TEX14: variants seen among roughly 807,000 people sequenced by gnomAD.
The protein encoded by TEX14 is testis expressed 14, intercellular bridge forming factor, also known as inactive serine/threonine-protein kinase TEX14.
In TEX14, 168 loss-of-function variants were observed where a neutral mutation model predicts 178.6. That is an observed-to-expected ratio of 0.94 (90% CI 0.83 to 1.07). TEX14 has a LOEUF of 1.07. Among genes scored for constraint, TEX14 ranks in the 50% least tolerant of loss-of-function variants. The probability of loss-of-function intolerance (pLI) is 0.00; values close to 1 mark genes in which losing one functional copy is unlikely to be tolerated. For missense variants in TEX14, 1,730 were observed against 1,753.6 expected (o/e 0.99, Z 0.24); for synonymous variants, 626 against 634.1 (o/e 0.99, Z 0.19).
intron 4 of TEX14, among the ~76,000 whole-genome samples, chr17:58,622,479 T>C (rs1012667736): frequency 6.6e-6 from 1 of 151,858 alleles, no homozygotes; most frequent in Non-Finnish European, 1.5e-5. Flanking sequence ...CAAAGTTACT[T>C]AATGTCAGTG....
Position 58,599,401 on chromosome 17 carries a change from T to C in TEX14, c.1944A>G (p.Ala648=), listed in dbSNP as rs115318789. 1.2e-6 allele frequency: 2 copies of C among 1,614,114 alleles called. No homozygotes were observed. Among genetic ancestry groups the C allele is most frequent in the African/African-American group, 2.7e-5 (2 of 74,938 alleles). ...GTTCATCTACCTGGTTAGGTCCGTC[T>C]GCCTCCAAAGATGAAGCAGCTCCTG... The part of the protein sequence containing the change: ...EPPGAASSLE[A]DGPNQVDELK... The change falls in exon 14 of 32, where the codon GCA becomes GCG. Residue 648 remains alanine (A), a synonymous_variant. Transcript: ENST00000349033.
chr17:58,570,278 G>A (rs1045671471), intron 25 of TEX14, 107 bp downstream of exon 25: 20 of 648,196 alleles, frequency 3.1e-5, no homozygotes, highest in Non-Finnish European at 4.6e-5. Flanking sequence ...ATAATCATGG[G>A]GAAAACAGCA....
chr17:58,630,386 C>T (rs1052167814), intron 3 of TEX14, 54 bp downstream of exon 3: 6 of 1,343,778 alleles, frequency 4.5e-6, no homozygotes, highest in Admixed American at 1.7e-5. Flanking sequence ...TCTAAACAAA[C>T]TCATCTTAAC....
At chr17:58,617,966 CATG>C (rs2045911253) in intron 5 of TEX14, among the ~76,000 whole-genome samples, 1 of 152,324 alleles carries the variant, frequency 6.6e-6, no homozygotes, top group South Asian at 2.1e-4. Flanking sequence ...TGCCAGCTGC[CATG>C]ATATGAGGAC....
intron 4 of TEX14, among the ~76,000 whole-genome samples, chr17:58,622,579 T>A (rs908096913): frequency 5.3e-5 from 8 of 152,158 alleles, no homozygotes; most frequent in Admixed American, 6.6e-5. Context: ...ATAAAAAACA[T>A]TTAAAACAAC....
intron 17 of TEX14, among the ~76,000 whole-genome samples, 162 bp from the exon 18 acceptor site, chr17:58,586,244 G>C (rs912599123): frequency 7.9e-5 from 12 of 152,128 alleles, no homozygotes; most frequent in African/African-American, 2.7e-4. Flanking sequence ...TGAATGGGAG[G>C]TCAGGGGAGA....
At chr17:58,625,129 GTTTT>G (rs11324185) in intron 3 of TEX14, among the ~76,000 whole-genome samples, 2 of 145,790 alleles carry the variant, frequency 1.4e-5, no homozygotes, top group Non-Finnish European at 3.0e-5. Flanking sequence ...TGTTTTTTGG[GTTTT>G]TTTTTTTTCT....
intron 3 of TEX14, among the ~76,000 whole-genome samples, chr17:58,628,236 C>T (rs1159947337): frequency 6.6e-6 from 1 of 152,084 alleles, no homozygotes; most frequent in African/African-American, 2.4e-5. Flanking sequence ...TCCAAGTTTT[C>T]TTCCCCTAAG....
chr17:58,655,635 TTCC>T (rs1358046037), intron 1 of TEX14, among the ~76,000 whole-genome samples: 1 of 152,098 alleles, frequency 6.6e-6, no homozygotes, highest in African/African-American at 2.4e-5. Context: ...ACTCCCTTCT[TTCC>T]CAGTCTGGAT....
At chr17:58,672,583 G>A (rs1421758690) in intron 1 of TEX14, among the ~76,000 whole-genome samples, 3 of 152,082 alleles carry the variant, frequency 2.0e-5, no homozygotes, top group Non-Finnish European at 2.9e-5. Flanking sequence ...ATAGGCACGC[G>A]CCACCAGGCC....
Position 58,577,364 on chromosome 17 carries a change from A to T in TEX14, c.3320+11T>A. ...GAGTTTGAAACTGCATAAGATAATA[A>T]TAGCCCATACCTTCGTACAGGTTGA... On this transcript the variant is annotated intron_variant, in intron 21 of 31. Coordinates refer to ENST00000349033, the MANE Select transcript of TEX14 (RefSeq NM_031272.5). 1 of 1,243,326 alleles carries T rather than the reference A, an allele frequency of 8.0e-7. No individual in the cohort carries two copies. Among genetic ancestry groups the T allele is most frequent in the South Asian group, 1.6e-5 (1 of 63,794 alleles). The allele number at this position is 1,243,326 out of a possible 1,614,324, so 77.0% of individuals were successfully genotyped here.
At chr17:58,567,463 C>T (rs1388437010) in intron 26 of TEX14, among the ~76,000 whole-genome samples, 1 of 152,098 alleles carries the variant, frequency 6.6e-6, no homozygotes, top group Admixed American at 6.6e-5. Context: ...AATCCATTTT[C>T]GTCCTTGTTA....
intron 17 of TEX14, 43 bp from the exon 18 acceptor site, chr17:58,586,125 A>G (rs2044966311): frequency 6.4e-7 from 1 of 1,556,142 alleles, no homozygotes; most frequent in African/African-American, 1.4e-5. Flanking sequence ...CACTGTAAAC[A>G]CTGGAAACAC....
intron 14 of TEX14, among the ~76,000 whole-genome samples, chr17:58,596,347 T>C (rs191267623): frequency 6.6e-6 from 1 of 152,290 alleles, no homozygotes; most frequent in African/African-American, 2.4e-5. Context: ...TGTCACATGA[T>C]TTCAGCTCAC....
intron 2 of TEX14, among the ~76,000 whole-genome samples, chr17:58,648,946 C>T (rs532326305): frequency 3.3e-5 from 5 of 151,442 alleles, no homozygotes; most frequent in African/African-American, 1.2e-4. Context: ...CCCGCCACTG[C>T]GCCCAGCTAA....
rs777148116 is a variant in TEX14, at chr17:58,586,070, T to A, written c.2801A>T (p.Glu934Val). ...TCCAGTAGCTGCTTTCTTTGCCATTTCTTTCACCTCCACTGTGCATAAGAG... is the reference window on the plus strand; with the variant it reads ...TCCAGTAGCTGCTTTCTTTGCCATTACTTTCACCTCCACTGTGCATAAGAG... ...VHLKWKMEVKEMAKKAATGQL... is the reference protein window; with the variant it reads ...VHLKWKMEVKVMAKKAATGQL... The change falls in exon 18 of 32, where the codon GAA becomes GTA. Residue 934 changes from glutamate to valine, a missense_variant. This residue lies in a region of TEX14 where 941 missense variants were observed against 1,072.4 expected (regional missense o/e 0.88). Transcript: ENST00000349033. The A allele has an allele frequency of 1.9e-6, 3 of 1,612,594 alleles. No individual in the cohort carries two copies. Among genetic ancestry groups the A allele is most frequent in the Non-Finnish European group, 2.5e-6 (3 of 1,178,778 alleles).
chr17:58,605,909 CTGCTTTT>C, intron 10 of TEX14, among the ~76,000 whole-genome samples: 1 of 152,194 alleles, frequency 6.6e-6, no homozygotes, highest in Non-Finnish European at 1.5e-5. Flanking sequence ...GGCAACTCAT[CTGCTTTT>C]ATATCACTGT....
chr17:58,612,896 C>T (rs919101353), intron 9 of TEX14, among the ~76,000 whole-genome samples: 2 of 151,440 alleles, frequency 1.3e-5, no homozygotes, highest in Admixed American at 1.3e-4. Context: ...TAGAGCAAGA[C>T]CCTGTCTCAA....
rs57499680 is a variant in TEX14 at position 58,642,537 on chromosome 17, T to A, written c.136+9329A>T. Reference sequence around the variant, plus strand: ...TATACATTTTATTTTATTTTATTTATTTTTTTTTTTATGGAGTTTCGCTCT... The same window carrying A: ...TATACATTTTATTTTATTTTATTTAATTTTTTTTTTATGGAGTTTCGCTCT... On this transcript the variant is annotated intron_variant, in intron 2 of 31. Coordinates refer to ENST00000349033, the MANE Select transcript of TEX14 (RefSeq NM_031272.5). 5.7e-3 allele frequency among the ~76,000 whole-genome samples: 825 copies of A among 145,102 alleles called. 9 individuals are homozygous for A. The highest frequency in any genetic ancestry group is 0.02 in the African/African-American group (785 of 39,712).
Sources: allele counts gnomAD v4.1 joint callset (sites outside exome capture counted in the v4.1 genomes callset), GRCh38; gene constraint gnomAD v4.1.1; regional missense constraint gnomAD v4.1.1; transcripts MANE v1.5; gene names NCBI Gene and HGNC (gene_info 2026-07-23, HGNC 2026-07-21).